Variants in TACR3 observed in about 807,000 individuals in gnomAD.
TACR3 encodes the protein neuromedin-K receptor.
TACR3 carries 34 observed loss-of-function variants against 35.0 expected under a neutral mutation model. The ratio of observed to expected loss-of-function variants is 0.97; its 90% confidence interval spans 0.74 to 1.30. The LOEUF is 1.30. Among genes scored for constraint, TACR3 ranks in the 50% most tolerant of loss-of-function variants. TACR3 has a pLI of 0.00. For synonymous variants in TACR3, 233 were observed against 221.1 expected (o/e 1.05, Z -0.48); for missense variants, 558 against 591.7 (o/e 0.94, Z 0.59).
Position 103,589,971 on chromosome 4 carries a change from G to T in TACR3, c.1109C>A (p.Ala370Glu). The change falls in exon 5 of 5, where the codon GCA (alanine) becomes GAA (glutamate). Residue 370 changes from alanine to glutamate, a missense_variant. Transcript: ENST00000304883. Reference sequence around the variant, plus strand: ...TTTGATGAAAGGACACCAGCGAAATGCTCTCTTGAAGCCAGCTCGAAATCT... The same window carrying T: ...TTTGATGAAAGGACACCAGCGAAATTCTCTCTTGAAGCCAGCTCGAAATCT... Reference protein sequence around the residue: ...NKRFRAGFKRAFRWCPFIKVS... With the variant: ...NKRFRAGFKREFRWCPFIKVS... 6.2e-7 allele frequency: 1 copy of T among 1,613,722 alleles called. No homozygotes were observed. Among genetic ancestry groups the T allele is most frequent in the South Asian group, 1.1e-5 (1 of 91,076 alleles).
chr4:103,637,566 A>G (rs568065545), intron 3 of TACR3, among the ~76,000 whole-genome samples: 15 of 152,256 alleles, frequency 9.9e-5, no homozygotes, highest in African/African-American at 1.9e-4. Flanking sequence ...CCTATTCAAC[A>G]TAGTGTTGGA....
intron 3 of TACR3, among the ~76,000 whole-genome samples, chr4:103,618,344 T>C (rs1724703853): frequency 6.6e-6 from 1 of 152,180 alleles, no homozygotes; most frequent in African/African-American, 2.4e-5. Context: ...ATCCTTTCTC[T>C]GTGGCTTGTT....
intron 1 of TACR3, among the ~76,000 whole-genome samples, chr4:103,710,430 T>G (rs59169198): frequency 0.045 from 6,862 of 151,540 alleles, 515 homozygotes; most frequent in African/African-American, 0.16. Context: ...CTAAATGAAG[T>G]CAGAAATAAA....
intron 1 of TACR3, among the ~76,000 whole-genome samples, chr4:103,700,803 A>C (rs542285338): frequency 2.0e-5 from 3 of 152,366 alleles, no homozygotes; most frequent in South Asian, 2.1e-4. Flanking sequence ...CAAAAAGCAT[A>C]TGATTATCTC....
chr4:103,635,953 G>GTC (rs984234645), intron 3 of TACR3, among the ~76,000 whole-genome samples: 1 of 151,542 alleles, frequency 6.6e-6, no homozygotes, highest in Non-Finnish European at 1.5e-5. Context: ...TTCTAACACA[G>GTC]TCTCTCTCTC....
intron 3 of TACR3, among the ~76,000 whole-genome samples, chr4:103,623,564 T>C (rs2110305591): frequency 6.6e-6 from 1 of 152,252 alleles, no homozygotes; most frequent in Admixed American, 6.5e-5. Context: ...TTATGAGACT[T>C]AAGGAGGGTG....
chr4:103,623,037 C>T (rs1448034313), intron 3 of TACR3, among the ~76,000 whole-genome samples: 1 of 151,964 alleles, frequency 6.6e-6, no homozygotes, highest in African/African-American at 2.4e-5. Context: ...CTGGAGTATA[C>T]CTACCTAATG....
intron 3 of TACR3, among the ~76,000 whole-genome samples, chr4:103,632,598 A>G (rs1051825607): frequency 6.6e-6 from 1 of 150,798 alleles, no homozygotes; most frequent in African/African-American, 2.4e-5. Context: ...GCAAACCACC[A>G]TGGCACACGT....
chr4:103,621,629 T>C (rs1468092630), intron 3 of TACR3, among the ~76,000 whole-genome samples: 2 of 152,184 alleles, frequency 1.3e-5, no homozygotes, highest in East Asian at 3.8e-4. Flanking sequence ...TCATTGAACA[T>C]TGATTAAGGA....
At chr4:103,604,726 G>T (rs951613101) in intron 3 of TACR3, among the ~76,000 whole-genome samples, 1 of 151,954 alleles carries the variant, frequency 6.6e-6, no homozygotes, top group African/African-American at 2.4e-5. Flanking sequence ...AGTGGGCAAA[G>T]GATATGAAGA....
At chr4:103,645,404 A>G (rs1725436427) in intron 3 of TACR3, among the ~76,000 whole-genome samples, 1 of 151,944 alleles carries the variant, frequency 6.6e-6, no homozygotes. Flanking sequence ...GAATGGAAAA[A>G]TGGAAAATTA....
chr4:103,655,408 T>TA (rs1725711473), intron 3 of TACR3, among the ~76,000 whole-genome samples: 2 of 152,108 alleles, frequency 1.3e-5, no homozygotes, highest in Non-Finnish European at 2.9e-5. Context: ...TCATCTTTGA[T>TA]AAAACCTCTC....
At chr4:103,712,455 C>A (rs554905840) in intron 1 of TACR3, among the ~76,000 whole-genome samples, 301 of 152,272 alleles carry the variant, frequency 2.0e-3, no homozygotes, top group African/African-American at 6.5e-3. Flanking sequence ...CTTCCTTACA[C>A]CTTATACAAA....
At chr4:103,655,723 A>C (rs1227938566) in intron 3 of TACR3, among the ~76,000 whole-genome samples, 3 of 152,088 alleles carry the variant, frequency 2.0e-5, no homozygotes, top group Non-Finnish European at 4.4e-5. Flanking sequence ...AAAGTGAGAG[A>C]GAAATAAAAA....
intron 1 of TACR3, among the ~76,000 whole-genome samples, chr4:103,709,319 T>C (rs898878164): frequency 5.9e-5 from 9 of 152,150 alleles, no homozygotes; most frequent in African/African-American, 2.2e-4. Context: ...TGGCAGAAAC[T>C]CTACAGGCCA....
At chr4:103,604,960 C>G (rs1298564886) in intron 3 of TACR3, among the ~76,000 whole-genome samples, 5 of 146,596 alleles carry the variant, frequency 3.4e-5, no homozygotes, top group African/African-American at 1.3e-4. Context: ...AGGTATATCT[C>G]CCAATGCTAT....
At chr4:103,606,405 T>C (rs1385885751) in intron 3 of TACR3, among the ~76,000 whole-genome samples, 7 of 152,102 alleles carry the variant, frequency 4.6e-5, no homozygotes, top group Non-Finnish European at 2.9e-5. Context: ...AATCTGTAAA[T>C]TACCTTGGGC....
intron 1 of TACR3, among the ~76,000 whole-genome samples, chr4:103,695,204 A>G (rs1429558402): frequency 6.6e-6 from 1 of 152,178 alleles, no homozygotes; most frequent in Non-Finnish European, 1.5e-5. Context: ...TCTATTTTCT[A>G]GTACGTTTGA....
intron 3 of TACR3, among the ~76,000 whole-genome samples, chr4:103,614,633 G>C (rs1724592200): frequency 6.6e-6 from 1 of 152,052 alleles, no homozygotes; most frequent in Non-Finnish European, 1.5e-5. Flanking sequence ...TTGATGTTCA[G>C]AAAGATTAAG....
Sources: allele counts gnomAD v4.1 joint callset (sites outside exome capture counted in the v4.1 genomes callset), GRCh38; gene constraint gnomAD v4.1.1; transcripts MANE v1.5; gene names NCBI Gene and HGNC (gene_info 2026-07-23, HGNC 2026-07-21).